The following RAB37 variants were observed in gnomAD, a reference collection of about 807,000 sequenced individuals.
RAB37 encodes ras-related protein Rab-37.
In RAB37, 29 loss-of-function variants were observed where a neutral mutation model predicts 33.1. The observed-to-expected ratio is 0.88, with a 90% CI of 0.65 to 1.20. RAB37 has a LOEUF of 1.20. Among genes scored for constraint, RAB37 ranks in the 50% most tolerant of loss-of-function variants. The probability of loss-of-function intolerance (pLI) is 0.00; values close to 1 mark genes in which losing one functional copy is unlikely to be tolerated. For missense variants in RAB37, 299 were observed against 301.1 expected (o/e 0.99, Z 0.05); for synonymous variants, 128 against 119.5 (o/e 1.07, Z -0.47).
At chr17:74,735,059 A>AAGAAAGAAAGAG (rs2034454067), upstream of RAB37, among the ~76,000 whole-genome samples, 2 of 135,642 alleles carry the variant, frequency 1.5e-5, no homozygotes, top group African/African-American at 5.4e-5. Context: ...GAAAGAAAGA[A>AAGAAAGAAAGAG]AGAGAAAGAA....
chr17:74,737,388 A>AC (rs2034503856), intron 1 of RAB37, 23 bp downstream of exon 1: 1 of 1,540,062 alleles, frequency 6.5e-7, no homozygotes, highest in Non-Finnish European at 8.7e-7. Context: ...CTTCCGTGAG[A>AC]CCCCCGCCCT....
At chr17:74,674,559 T>A (rs2031781563) in intron 1 of RAB37, among the ~76,000 whole-genome samples, 1 of 152,014 alleles carries the variant, frequency 6.6e-6, no homozygotes, top group Non-Finnish European at 1.5e-5. Flanking sequence ...ACTCCTATAA[T>A]CTCAGCTACT....
In RAB37 at chr17:74,745,878, G is replaced by A. The variant is rs1003629001; in HGVS notation, c.*467G>A. On this transcript the variant is annotated 3_prime_UTR_variant, in exon 9 of 9. Coordinates refer to ENST00000392613, the MANE Select transcript of RAB37 (RefSeq NM_001006638.3). The surrounding 1 kb of genome is among the most constrained non-coding windows in gnomAD (Gnocchi z 4.5). ...GTGACCCCAGCCTTCACTGTCTCCC[G>A]CTCTCCAGGAGCTTATCTTCGCCCC... is the stretch of plus-strand genomic sequence containing the variant. 6 of 159,004 alleles carry A rather than the reference G, an allele frequency of 3.8e-5. No individual in the cohort carries two copies. The highest frequency in any genetic ancestry group is 6.2e-5 in the Admixed American group (1 of 16,014). The allele number at this position is 159,004 out of a possible 1,614,324, so 9.8% of individuals were successfully genotyped here.
At position 74,744,976 on chromosome 17, in the gene RAB37, C is replaced by T. The variant is rs1252686429; in HGVS notation, c.490-32C>T. ...AGGGTGAAGGGTGGGGGCAACCCGACGCTGGCCCTGAGGACACTCTCTCCC... is the reference window on the plus strand; with the variant it reads ...AGGGTGAAGGGTGGGGGCAACCCGATGCTGGCCCTGAGGACACTCTCTCCC... On this transcript the variant is annotated intron_variant, in intron 7 of 8. Transcript: ENST00000392613. The surrounding 1 kb of genome is among the most constrained non-coding windows in gnomAD (Gnocchi z 4.2). The T allele has an allele frequency of 3.7e-6, 6 of 1,614,128 alleles. No homozygotes were observed. Among genetic ancestry groups the T allele is most frequent in the Non-Finnish European group, 5.1e-6 (6 of 1,179,932 alleles).
intron 1 of RAB37, chr17:74,703,042 C>A: frequency 6.2e-7 from 1 of 1,613,552 alleles, no homozygotes; most frequent in South Asian, 1.1e-5. Context: ...TACCTGTTGT[C>A]CAAGTGGTGG....
At chr17:74,732,055 C>A (rs1004924381) in intron 2 of RAB37, among the ~76,000 whole-genome samples, 3 of 152,006 alleles carry the variant, frequency 2.0e-5, no homozygotes, top group African/African-American at 7.2e-5. Flanking sequence ...TCTGCTCATC[C>A]CCCACCTGAA....
chr17:74,672,353 A>G (rs1487901549), intron 1 of RAB37, among the ~76,000 whole-genome samples: 1 of 152,202 alleles, frequency 6.6e-6, no homozygotes, highest in Non-Finnish European at 1.5e-5. Flanking sequence ...ATTTGCCATA[A>G]GAAGTTATTA....
At chr17:74,740,983 A>C in intron 2 of RAB37, 105 bp downstream of exon 2, 1 of 844,090 alleles carries the variant, frequency 1.2e-6, no homozygotes, top group Non-Finnish European at 2.0e-6. Flanking sequence ...GGGACTCCCG[A>C]GGCTCATGCC....
At chr17:74,704,179 A>G (rs1345350512) in intron 1 of RAB37, among the ~76,000 whole-genome samples, 2 of 152,162 alleles carry the variant, frequency 1.3e-5, no homozygotes, top group Non-Finnish European at 2.9e-5. Context: ...ATGGGAAGGC[A>G]TCCCTTTGGC....
At chr17:74,706,489 G>A (rs2033529500) in intron 1 of RAB37, among the ~76,000 whole-genome samples, 1 of 151,820 alleles carries the variant, frequency 6.6e-6, no homozygotes, top group African/African-American at 2.4e-5. Flanking sequence ...CCAACATGGA[G>A]AAACGCCATC....
intron 1 of RAB37, among the ~76,000 whole-genome samples, chr17:74,717,123 G>A (rs892212307): frequency 3.3e-5 from 5 of 152,146 alleles, no homozygotes; most frequent in African/African-American, 7.2e-5. Context: ...CAACGAGAGC[G>A]AAACTCTGTC....
At chr17:74,677,971 G>C (rs2031876340) in intron 1 of RAB37, among the ~76,000 whole-genome samples, 1 of 152,128 alleles carries the variant, frequency 6.6e-6, no homozygotes, top group South Asian at 2.1e-4. Context: ...AGCTGTTCTA[G>C]GGAGGGACGT....
chr17:74,684,167 C>T (rs996996561), intron 1 of RAB37, among the ~76,000 whole-genome samples: 4 of 152,118 alleles, frequency 2.6e-5, no homozygotes, highest in African/African-American at 4.8e-5. Context: ...CCTCCTCTGC[C>T]TCCTCACTGC....
intron 1 of RAB37, among the ~76,000 whole-genome samples, chr17:74,696,752 C>T (rs2032519703): frequency 6.6e-6 from 1 of 152,166 alleles, no homozygotes; most frequent in Non-Finnish European, 1.5e-5. Flanking sequence ...GGTGGCTGGG[C>T]CTGTCCCTTC....
At chr17:74,724,931 A>C (rs1204414633) in intron 1 of RAB37, among the ~76,000 whole-genome samples, 1 of 152,168 alleles carries the variant, frequency 6.6e-6, no homozygotes, top group Non-Finnish European at 1.5e-5. Context: ...AGGCCTGACA[A>C]TATCTAAGGT....
At chr17:74,694,211 A>C (rs557516510) in intron 1 of RAB37, 1 of 152,328 alleles carries the variant, frequency 6.6e-6, no homozygotes, top group South Asian at 2.1e-4. Context: ...GGTTGTCATG[A>C]GGATTAAATT....
chr17:74,671,563 G>A lies in RAB37; in HGVS notation c.-24G>A, dbSNP rs1234129050. 5 of 1,613,188 alleles carry A rather than the reference G, an allele frequency of 3.1e-6. No individual in the cohort carries two copies. The highest frequency in any genetic ancestry group is 3.3e-5 in the Admixed American group (2 of 60,024). On this transcript the variant is annotated 5_prime_UTR_variant, in exon 1 of 8. Transcript: ENST00000340415. This position sits in a 1 kb window ranked among gnomAD's most constrained non-coding sequence, Gnocchi z 5.0. ...GCTGACGCAGAGCGCAGGGAGAGCC[G>A]GAGCGGCGAGCTCCAAGCCTGGCAT...
intron 1 of RAB37, among the ~76,000 whole-genome samples, chr17:74,689,059 T>C (rs1480386166): frequency 6.6e-6 from 1 of 152,224 alleles, no homozygotes; most frequent in Non-Finnish European, 1.5e-5. Flanking sequence ...CTCAGCACTT[T>C]GGAAGGCTGA....
intron 1 of RAB37, among the ~76,000 whole-genome samples, chr17:74,698,830 A>G (rs2032769093): frequency 6.6e-6 from 1 of 152,214 alleles, no homozygotes; most frequent in Admixed American, 6.5e-5. Flanking sequence ...ATTTACCGAT[A>G]TAACAAATCT....
Sources: gnomAD v4.1 joint callset for allele counts (sites outside exome capture counted in the v4.1 genomes callset) on GRCh38, gnomAD v4.1.1 for gene constraint, Gnocchi (gnomAD v3.1) non-coding constraint, MANE v1.5 for transcripts, NCBI Gene and HGNC (gene_info 2026-07-23, HGNC 2026-07-21) for gene names.